The following HLA-DPA1 variants were observed in gnomAD, a reference collection of about 807,000 sequenced individuals.
HLA-DPA1 encodes the protein HLA class II histocompatibility antigen, DP alpha 1 chain.
Under a neutral mutation model 21.5 loss-of-function variants are expected in HLA-DPA1, and 20 were observed. That is an observed-to-expected ratio of 0.93 (90% CI 0.66 to 1.35). HLA-DPA1 has a LOEUF of 1.35. Ranked by LOEUF, HLA-DPA1 falls within the 40% of genes most tolerant of loss-of-function variation. HLA-DPA1 has a pLI of 0.00. For missense variants in HLA-DPA1, 279 were observed against 323.0 expected (o/e 0.86, Z 1.05); for synonymous variants, 123 against 129.6 (o/e 0.95, Z 0.35).
chr6:33,077,873 C>G (rs141779368), intron 1 of HLA-DPA1, among the ~76,000 whole-genome samples: 100 of 150,892 alleles, frequency 6.6e-4, no homozygotes, highest in Middle Eastern at 3.4e-3. Flanking sequence ...AACCTCTTAT[C>G]TATTACCTTG....
At chr6:33,075,194 C>T (rs572160218) in intron 1 of HLA-DPA1, among the ~76,000 whole-genome samples, 2 of 152,154 alleles carry the variant, frequency 1.3e-5, no homozygotes, top group Admixed American at 1.3e-4. Context: ...TCTCTATGGA[C>T]TTTATTTTTC....
At chr6:33,077,174 GT>G (rs1345496884) in intron 1 of HLA-DPA1, among the ~76,000 whole-genome samples, 5 of 149,836 alleles carry the variant, frequency 3.3e-5, no homozygotes, top group Non-Finnish European at 5.9e-5. Flanking sequence ...GTGGTCTTTG[GT>G]TTTTTGTCCT....
At chr6:33,075,280 T>C (rs1308934962) in intron 1 of HLA-DPA1, among the ~76,000 whole-genome samples, 8 of 152,208 alleles carry the variant, frequency 5.3e-5, no homozygotes, top group Non-Finnish European at 1.0e-4. Flanking sequence ...CATCCCCATA[T>C]TGAAGACAAG....
chr6:33,068,485 C>A, intron 5 of HLA-DPA1, 153 bp downstream of exon 4: 1 of 608,666 alleles, frequency 1.6e-6, no homozygotes, highest in Non-Finnish European at 2.9e-6. Flanking sequence ...AGCGCCTGAC[C>A]ATATTAACTA....
chr6:33,075,749 C>T (rs2071350), intron 1 of HLA-DPA1, among the ~76,000 whole-genome samples: 7,539 of 152,282 alleles, frequency 0.05, 210 homozygotes, highest in South Asian at 0.11. Flanking sequence ...TCTCCCCAAA[C>T]ATCATGACTT....
At chr6:33,073,356 C>CT (rs1224227783) in intron 2 of HLA-DPA1, 115 bp downstream of exon 1, 2 of 708,018 alleles carry the variant, frequency 2.8e-6, no homozygotes, top group East Asian at 4.9e-5. Context: ...GGAACATAGA[C>CT]TATGAGGACC....
At position 33,069,200 on chromosome 6, in the gene HLA-DPA1, G is replaced by A. The variant is rs2308927; in HGVS notation, c.447C>T (p.Asn149=). The change falls in exon 4 of 6, where the codon AAC becomes AAT. Residue 149 remains asparagine, a synonymous_variant. Coordinates refer to ENST00000419277, the Ensembl canonical transcript of HLA-DPA1. ...GCTCCCCGTTGCACAGCCACGTGAC[G>A]TTGAGCACTGGTGGGAAGAACTTGT... 71,750 of 1,609,410 alleles carry A rather than the reference G, an allele frequency of 0.045. 7,504 individuals carry two copies. In the East Asian group the frequency reaches 0.49, roughly 11 times the overall value.
At chr6:33,072,387 T>A (rs964527766) in intron 2 of HLA-DPA1, among the ~76,000 whole-genome samples, 4 of 150,796 alleles carry the variant, frequency 2.7e-5, no homozygotes, top group African/African-American at 9.8e-5. Flanking sequence ...TTAAGGTAAA[T>A]GACATGTTTA....
Position 33,080,526 on chromosome 6 carries a change from C to A in HLA-DPA1, c.-100+154G>T. 1 of 1,201,682 alleles carries A rather than the reference C, an allele frequency of 8.3e-7. No homozygotes were observed. The highest frequency in any genetic ancestry group is 1.2e-6 in the Non-Finnish European group (1 of 828,410). The allele number at this position is 1,201,682 out of a possible 1,614,324, so 74.4% of individuals were successfully genotyped here. On this transcript the variant is annotated intron_variant, in intron 1 of 5. Coordinates refer to ENST00000419277, the Ensembl canonical transcript of HLA-DPA1. The surrounding 1 kb of genome is among the most constrained non-coding windows in gnomAD (Gnocchi z 4.3). ...AGGCTCTGCGACCCGCTTAGGACCACAGAACTCGGTACTAGGAAAACTCCT... is the reference window on the plus strand; with the variant it reads ...AGGCTCTGCGACCCGCTTAGGACCAAAGAACTCGGTACTAGGAAAACTCCT...
intron 3 of HLA-DPA1, 134 bp downstream of exon 2, chr6:33,069,507 G>A: frequency 8.3e-7 from 1 of 1,203,230 alleles, no homozygotes; most frequent in Non-Finnish European, 1.2e-6. Context: ...GCTGTAGTGG[G>A]ATCAGCCCAT....
intron 5 of HLA-DPA1, chr6:33,067,581 T>C (rs1034028588): frequency 2.7e-4 from 41 of 152,112 alleles, no homozygotes; most frequent in Admixed American, 7.9e-4. Context: ...GATATTCCTT[T>C]ATAGCAATGC....
At position 33,069,094 on chromosome 6, in the gene HLA-DPA1, C is replaced by T. The variant is rs150225191; in HGVS notation, c.553G>A (p.Val185Met). Residue 185 changes from valine (V) to methionine (M), a missense_variant, in exon 4 of 6, where the codon GTG becomes ATG. Coordinates refer to ENST00000419277, the Ensembl canonical transcript of HLA-DPA1. ...TCATAGAAGTCCTCTGCTGAGGGCACAAAGGTCAGGTAATGGAACTTGTGG... is the reference window on the plus strand; with the variant it reads ...TCATAGAAGTCCTCTGCTGAGGGCATAAAGGTCAGGTAATGGAACTTGTGG... 1.1e-5 allele frequency: 18 copies of T among 1,612,924 alleles called. No homozygotes were observed. The African/African-American group carries it at 1.7e-4, about 16-fold the overall frequency.
chr6:33,073,757 A>C (rs1185057818), intron 1 of HLA-DPA1, 108 bp from the exon 1 acceptor site: 1 of 569,564 alleles, frequency 1.8e-6, no homozygotes, highest in Non-Finnish European at 3.1e-6. Context: ...CTGGGTAAAG[A>C]GGACGCTGGA....
chr6:33,072,354 T>C (rs1327802610), intron 2 of HLA-DPA1, among the ~76,000 whole-genome samples: 1 of 152,196 alleles, frequency 6.6e-6, no homozygotes, highest in African/African-American at 2.4e-5. Context: ...TTGTTTTTTA[T>C]CAGTTGGTTT....
intron 5 of HLA-DPA1, chr6:33,066,925 C>G (rs35877170): frequency 0.29 from 43,946 of 151,940 alleles, 8,393 homozygotes; most frequent in East Asian, 0.69. Context: ...GTGTTGAAGT[C>G]CATTTAGGAG....
At chr6:33,066,695 T>C (rs1488851886) in intron 5 of HLA-DPA1, 3 of 152,174 alleles carry the variant, frequency 2.0e-5, no homozygotes, top group Non-Finnish European at 4.4e-5. Context: ...AGCAGGACTA[T>C]ATAAGGATCA....
At chr6:33,073,323 T>C in intron 2 of HLA-DPA1, 148 bp downstream of exon 1, 1 of 606,898 alleles carries the variant, frequency 1.6e-6, no homozygotes, top group Non-Finnish European at 2.9e-6. Flanking sequence ...CTGTTATTGC[T>C]GTTATTATTA....
upstream of HLA-DPA1, chr6:33,080,744 T>G (rs1762803137): frequency 3.7e-6 from 6 of 1,613,202 alleles, no homozygotes; most frequent in Non-Finnish European, 4.2e-6. This position sits in a 1 kb window ranked among gnomAD's most constrained non-coding sequence, Gnocchi z 4.3. Flanking sequence ...GAGAGATACA[T>G]CTACAACCGG....
At chr6:33,069,422 G>C (rs3830065) in intron 3 of HLA-DPA1, 122 bp from the exon 3 acceptor site, 159,129 of 1,089,700 alleles carry the variant, frequency 0.15, 13,075 homozygotes, top group Middle Eastern at 0.23. Context: ...GAATCACAGA[G>C]AGGGGTATCA....
Sources: gnomAD v4.1 joint callset for allele counts (sites outside exome capture counted in the v4.1 genomes callset) on GRCh38, gnomAD v4.1.1 for gene constraint, Gnocchi (gnomAD v3.1) non-coding constraint, MANE v1.5 for transcripts, NCBI Gene and HGNC (gene_info 2026-07-23, HGNC 2026-07-21) for gene names.